The following AFG2A variants were observed in gnomAD, a reference collection of about 807,000 sequenced individuals.
AFG2A encodes the protein AAA ATPase AFG2A.
chr4:123,022,025 C>T, the AFG2A span, among the ~76,000 whole-genome samples: 5 of 151,094 alleles, frequency 3.3e-5, no homozygotes, highest in Non-Finnish European at 7.4e-5. Context: ...ACGCCTTATA[C>T]AAAAATTAAT....
the AFG2A span, among the ~76,000 whole-genome samples, chr4:123,077,298 C>T: frequency 0.14 from 21,807 of 151,970 alleles, 2,038 homozygotes; most frequent in East Asian, 0.45. Context: ...CTGCCTGCCT[C>T]GGCCTCCCAA....
chr4:123,250,256 G>T, the AFG2A span, among the ~76,000 whole-genome samples: 1 of 152,184 alleles, frequency 6.6e-6, no homozygotes, highest in Non-Finnish European at 1.5e-5. Context: ...GTGGTATAAG[G>T]TTTGATAGTT....
the AFG2A span, among the ~76,000 whole-genome samples, chr4:123,184,844 A>G: frequency 4.1e-3 from 630 of 152,284 alleles, 2 homozygotes; most frequent in Non-Finnish European, 7.3e-3. Context: ...CCCCAGCATG[A>G]TCATTTCTAA....
At chr4:123,096,650 A>G in the AFG2A span, among the ~76,000 whole-genome samples, 1 of 152,096 alleles carries the variant, frequency 6.6e-6, no homozygotes, top group Non-Finnish European at 1.5e-5. Context: ...CCTAATAAGA[A>G]CTATTAAATT....
chr4:123,088,951 C>CT, the AFG2A span, among the ~76,000 whole-genome samples: 1 of 152,244 alleles, frequency 6.6e-6, no homozygotes. Flanking sequence ...AATGTTTATT[C>CT]TTACGTAGAG....
the AFG2A span, among the ~76,000 whole-genome samples, chr4:123,206,091 C>T: frequency 6.6e-6 from 1 of 152,078 alleles, no homozygotes. Context: ...CCTAACAAAT[C>T]TAGCCTTAAG....
At chr4:123,210,779 A>G in the AFG2A span, among the ~76,000 whole-genome samples, 1 of 151,948 alleles carries the variant, frequency 6.6e-6, no homozygotes, top group African/African-American at 2.4e-5. Context: ...GTTTTCTGTA[A>G]TTGCTTATAG....
At chr4:122,947,890 G>A in the AFG2A span, among the ~76,000 whole-genome samples, 2 of 152,258 alleles carry the variant, frequency 1.3e-5, no homozygotes, top group South Asian at 2.1e-4. Context: ...GGCTTGAACT[G>A]CATGGGTCCA....
At chr4:123,061,485 A>G in the AFG2A span, among the ~76,000 whole-genome samples, 1 of 152,214 alleles carries the variant, frequency 6.6e-6, no homozygotes, top group South Asian at 2.1e-4. Context: ...GTGGCAGGCA[A>G]GAGAGCTTGT....
At chr4:122,989,277 G>A in the AFG2A span, among the ~76,000 whole-genome samples, 1 of 151,968 alleles carries the variant, frequency 6.6e-6, no homozygotes, top group Non-Finnish European at 1.5e-5. Flanking sequence ...TAGTCAGCTT[G>A]TCTAGTAGTT....
At chr4:123,235,115 A>G in the AFG2A span, among the ~76,000 whole-genome samples, 29 of 152,178 alleles carry the variant, frequency 1.9e-4, no homozygotes, top group Admixed American at 1.9e-3. Context: ...GATGAATAAG[A>G]GTTTGACTAT....
At chr4:122,947,568 C>T in the AFG2A span, 2 of 1,320,228 alleles carry the variant, frequency 1.5e-6, no homozygotes, top group East Asian at 2.7e-5. Context: ...TTATATTTTA[C>T]AGATTTCTTA....
At chr4:123,310,783 A>G in the AFG2A span, among the ~76,000 whole-genome samples, 127 of 152,222 alleles carry the variant, frequency 8.3e-4, no homozygotes, top group Non-Finnish European at 1.5e-3. Flanking sequence ...TACTGGCAGT[A>G]TATTGCTAAG....
At chr4:123,119,277 TGTTTA>T in the AFG2A span, among the ~76,000 whole-genome samples, 2 of 152,164 alleles carry the variant, frequency 1.3e-5, no homozygotes, top group Non-Finnish European at 2.9e-5. Flanking sequence ...ACGTATTAAG[TGTTTA>T]GTAAATTTTC....
chr4:123,057,219 A>T, the AFG2A span: 1 of 1,613,886 alleles, frequency 6.2e-7, no homozygotes, highest in Non-Finnish European at 8.5e-7. Flanking sequence ...ACCTTCCGAA[A>T]AGCAAGAGCA....
At chr4:123,152,645 C>T in the AFG2A span, among the ~76,000 whole-genome samples, 1 of 152,228 alleles carries the variant, frequency 6.6e-6, no homozygotes, top group Non-Finnish European at 1.5e-5. Flanking sequence ...CAAGAACTTT[C>T]ATTCACTGCT....
At chr4:122,957,086 C>T in the AFG2A span, among the ~76,000 whole-genome samples, 21 of 151,710 alleles carry the variant, frequency 1.4e-4, no homozygotes, top group Non-Finnish European at 2.8e-4. Context: ...TTATGACATT[C>T]CCTGGACGTA....
chr4:123,288,428 G>T, the AFG2A span, among the ~76,000 whole-genome samples: 3 of 152,110 alleles, frequency 2.0e-5, no homozygotes, highest in African/African-American at 7.2e-5. Context: ...ATTGAAACAG[G>T]AAAGAAAGTT....
chr4:123,253,921 G>A, the AFG2A span, among the ~76,000 whole-genome samples: 1 of 152,054 alleles, frequency 6.6e-6, no homozygotes, highest in South Asian at 2.1e-4. Flanking sequence ...ATAATGTAAT[G>A]GTATCTCATT....
Sources: allele counts gnomAD v4.1 joint callset (sites outside exome capture counted in the v4.1 genomes callset), GRCh38; gene constraint gnomAD v4.1.1; transcripts MANE v1.5; gene names NCBI Gene and HGNC (gene_info 2026-07-23, HGNC 2026-07-21).